The following SLC25A25 variants were observed in gnomAD, a reference collection of about 807,000 sequenced individuals.
SLC25A25 encodes the protein mitochondrial adenyl nucleotide antiporter SLC25A25.
A neutral mutation model predicts 57.7 loss-of-function variants in SLC25A25; 32 were observed. The ratio of observed to expected loss-of-function variants is 0.55; its 90% CI spans 0.42 to 0.74. SLC25A25 has a LOEUF of 0.74. SLC25A25 is among the 30% of genes least tolerant of loss of function. The probability of loss-of-function intolerance (pLI) is 0.00; values close to 1 mark genes in which losing one functional copy is unlikely to be tolerated. For missense variants in SLC25A25, 556 were observed against 701.3 expected, an observed-to-expected ratio of 0.79 and a Z score of 2.34; for synonymous variants, 306 against 291.2, an observed-to-expected ratio of 1.05 and a Z score of -0.52.
intron 1 of SLC25A25, among the ~76,000 whole-genome samples, chr9:128,072,460 G>C (rs1387209473): frequency 6.6e-6 from 1 of 152,196 alleles, no homozygotes; most frequent in Admixed American, 6.5e-5. Flanking sequence ...TGCTTATCAG[G>C]GGGTGATGGG....
Position 128,102,039 on chromosome 9 carries a change from T to C in SLC25A25, c.477-41T>C, listed in dbSNP as rs1179511169. On this transcript the variant is annotated intron_variant, in intron 3 of 10. Coordinates refer to ENST00000373069, the MANE Select transcript of SLC25A25 (RefSeq NM_001330988.2). This position sits in a 1 kb window ranked among gnomAD's most constrained non-coding sequence, Gnocchi z 4.1. ...CATGGCTCCGAGCACTTATGCGTGTTGTTTCTGCTCTCTCCTCCGCATCCT... is the reference window on the plus strand; with the variant it reads ...CATGGCTCCGAGCACTTATGCGTGTCGTTTCTGCTCTCTCCTCCGCATCCT... 9.0e-6 allele frequency: 14 copies of C among 1,550,318 alleles called. No individual in the cohort carries two copies. The highest frequency in any genetic ancestry group is 1.2e-5 in the Non-Finnish European group (14 of 1,146,848).
At chr9:128,105,951 C>T in intron 7 of SLC25A25, 70 bp downstream of exon 7, 10 of 1,578,948 alleles carry the variant, frequency 6.3e-6, no homozygotes, top group Non-Finnish European at 8.6e-6. Context: ...CTGGCTTTCC[C>T]TGGGCTGAGC....
chr9:128,105,617 GAAGA>G, intron 6 of SLC25A25, 108 bp from the exon 7 acceptor site: 1 of 1,526,160 alleles, frequency 6.6e-7, no homozygotes, highest in South Asian at 1.1e-5. Context: ...AAAATGCACG[GAAGA>G]AAGGGCCTTC....
intron 1 of SLC25A25, among the ~76,000 whole-genome samples, chr9:128,082,412 A>C (rs972957896): frequency 3.9e-5 from 6 of 152,142 alleles, no homozygotes; most frequent in African/African-American, 1.4e-4. Flanking sequence ...TTACAGCCTG[A>C]AACTCCAGCC....
rs777601765 is a variant in SLC25A25 at position 128,101,260 on chromosome 9, C to T, written c.388+38C>T. ...TTCAGAGCTGTGGCCGGTCCAGCCT[C>T]GGGCCTCCCCGTGCGCCTGGCTCCT... On this transcript the variant is annotated intron_variant, in intron 2 of 10. Coordinates refer to ENST00000373069, the MANE Select transcript of SLC25A25 (RefSeq NM_001330988.2). This position sits in a 1 kb window ranked among gnomAD's most constrained non-coding sequence, Gnocchi z 4.9. 51 of 1,614,128 alleles carry T rather than the reference C, an allele frequency of 3.2e-5. No homozygotes were observed. The highest frequency in any genetic ancestry group is 4.2e-5 in the Non-Finnish European group (49 of 1,180,048).
At chr9:128,092,077 G>A (rs373078692) in intron 1 of SLC25A25, 4 of 1,613,878 alleles carry the variant, frequency 2.5e-6, no homozygotes, top group Non-Finnish European at 3.4e-6. Flanking sequence ...GACCTGCAGA[G>A]CAGTTTCCTA....
At chr9:128,072,619 T>A (rs1832930844) in intron 1 of SLC25A25, among the ~76,000 whole-genome samples, 1 of 152,094 alleles carries the variant, frequency 6.6e-6, no homozygotes, top group Admixed American at 6.6e-5. Context: ...AAAATGGAAG[T>A]GGGCAGAGAA....
At position 128,103,971 on chromosome 9, in the gene SLC25A25, A is replaced by T; in HGVS notation, c.783+132A>T. On this transcript the variant is annotated intron_variant, in intron 6 of 10. Coordinates refer to ENST00000373069, the MANE Select transcript of SLC25A25 (RefSeq NM_001330988.2). The surrounding 1 kb of genome is among the most constrained non-coding windows in gnomAD (Gnocchi z 6.7). ...CTTTTCTAACCCAATAAATTAGACT[A>T]GAATTATTGCTCAGACAGGGGGTAC... is the stretch of plus-strand genomic sequence containing the variant. 1 of 923,694 alleles carries T rather than the reference A, an allele frequency of 1.1e-6. No homozygotes were observed. The highest frequency in any genetic ancestry group is 2.8e-5 in the East Asian group (1 of 35,706). The allele number at this position is 923,694 out of a possible 1,614,324, so 57.2% of individuals were successfully genotyped here. A position where few individuals can be genotyped will look rare whatever the true frequency, so the allele number is the denominator to read the frequency against.
At chr9:128,083,281 G>A (rs1259196953) in intron 1 of SLC25A25, among the ~76,000 whole-genome samples, 1 of 151,068 alleles carries the variant, frequency 6.6e-6, no homozygotes, top group Non-Finnish European at 1.5e-5. Context: ...TTTGGTTTGG[G>A]TTCTGGTTTT....
At chr9:128,071,856 C>T (rs1006379829) in intron 1 of SLC25A25, among the ~76,000 whole-genome samples, 1 of 151,738 alleles carries the variant, frequency 6.6e-6, no homozygotes, top group Non-Finnish European at 1.5e-5. Flanking sequence ...GGATTACAGG[C>T]GCCCGCCACC....
chr9:128,106,599 T>C lies in SLC25A25; in HGVS notation c.1212+79T>C, dbSNP rs374733199. ...GCTGTCTCCCTCCTTGACGGACGCG[T>C]GGTTAGTGCAGGAAACTGCATCAAA... On this transcript the variant is annotated intron_variant, in intron 9 of 10. Coordinates refer to ENST00000373069, the MANE Select transcript of SLC25A25 (RefSeq NM_001330988.2). 8.1e-6 allele frequency: 12 copies of C among 1,482,142 alleles called. 2 individuals are homozygous for C. The highest frequency in any genetic ancestry group is 2.5e-4 in the Middle Eastern group (1 of 4,042). 91.8% of individuals were successfully genotyped at this position (1,482,142 alleles called of 1,614,324 possible).
intron 6 of SLC25A25, 114 bp from the exon 7 acceptor site, chr9:128,105,615 C>T (rs189339711): frequency 3.5e-5 from 52 of 1,500,166 alleles, no homozygotes; most frequent in Middle Eastern, 2.4e-4. Flanking sequence ...TCAAAATGCA[C>T]GGAAGAAAGG....
intron 1 of SLC25A25, among the ~76,000 whole-genome samples, chr9:128,092,579 G>C (rs1025572079): frequency 1.3e-5 from 2 of 152,084 alleles, no homozygotes; most frequent in African/African-American, 4.8e-5. Context: ...AAGAGTGAAG[G>C]CATGAGACTG....
chr9:128,089,434 A>G (rs1384749968), intron 1 of SLC25A25, among the ~76,000 whole-genome samples: 1 of 152,206 alleles, frequency 6.6e-6, no homozygotes, highest in Non-Finnish European at 1.5e-5. Flanking sequence ...TATCTTAGCC[A>G]AGATTACACA....
At chr9:128,077,600 C>T (rs984839383) in intron 1 of SLC25A25, among the ~76,000 whole-genome samples, 2 of 151,350 alleles carry the variant, frequency 1.3e-5, no homozygotes, top group African/African-American at 4.9e-5. Flanking sequence ...TCTACAGAGA[C>T]AGAAAATTGA....
rs746948281 is a variant in SLC25A25 at position 128,068,566 on chromosome 9, G to C, written c.247G>C (p.Glu83Gln). ...GCGGCGCCTGGGACTGCACCGCACC[G>C]AGGGCGAGCTCCAGGTAGGCTGCGC... ...GLRRLGLHRT[E>Q]GELQKIVQAG... The change falls in exon 1 of 11, where the codon GAG (glutamate) becomes CAG (glutamine). Residue 83 changes from glutamate to glutamine, a missense_variant. Physicochemically the swap from Glu to Gln is conservative, Grantham distance 29 (BLOSUM62 2). Around this residue, in one of 3 missense-constraint regions of SLC25A25, gnomAD observed 248 missense variants for 273.5 expected, o/e 0.91. Transcript: ENST00000373069. 7.0e-7 allele frequency: 1 copy of C among 1,421,510 alleles called. No homozygotes were observed. The highest frequency in any genetic ancestry group is 9.2e-7 in the Non-Finnish European group (1 of 1,091,006). The allele number at this position is 1,421,510 out of a possible 1,614,324, so 88.1% of individuals were successfully genotyped here. A position where few individuals can be genotyped will look rare whatever the true frequency, so the allele number is the denominator to read the frequency against.
chr9:128,102,975 C>T lies in SLC25A25; in HGVS notation c.624+494C>T, dbSNP rs1334666797. On this transcript the variant is annotated intron_variant, in intron 5 of 10. Transcript: ENST00000373069. The surrounding 1 kb of genome is among the most constrained non-coding windows in gnomAD (Gnocchi z 4.1). ...TGTGAGTCTGTGCTGGTCTCTGCCC[C>T]GAGCCCTTCATGCTTGGCGTGTCCC... is the stretch of plus-strand genomic sequence containing the variant. Among the ~76,000 whole-genome samples the T allele has an allele frequency of 2.0e-5, 3 of 152,180 alleles. No homozygotes were observed. Among genetic ancestry groups the T allele is most frequent in the African/African-American group, 2.4e-5 (1 of 41,448 alleles).
At position 128,102,200 on chromosome 9, in the gene SLC25A25, T is replaced by C. The variant is rs1041035502; in HGVS notation, c.512+85T>C. On this transcript the variant is annotated intron_variant, in intron 4 of 10. Transcript: ENST00000373069. The surrounding 1 kb of genome is among the most constrained non-coding windows in gnomAD (Gnocchi z 4.1). ...ATTCTTGTGGGCCATTATATTGCCA[T>C]TGTTGTGCTAAGTGGGGTGTGGAGC... 7 of 1,515,618 alleles carry C rather than the reference T, an allele frequency of 4.6e-6. No individual in the cohort carries two copies. The highest frequency in any genetic ancestry group is 6.3e-6 in the Non-Finnish European group (7 of 1,114,908). 93.9% of individuals were successfully genotyped at this position (1,515,618 alleles called of 1,614,324 possible). A position where few individuals can be genotyped will look rare whatever the true frequency, so the allele number is the denominator to read the frequency against.
rs1010985026 is a variant in SLC25A25, at chr9:128,108,101, G to A, written c.*657G>A. 1.5e-5 allele frequency: 6 copies of A among 399,512 alleles called. No homozygotes were observed. Among genetic ancestry groups the A allele is most frequent in the Admixed American group, 8.8e-5 (2 of 22,728 alleles). The allele number at this position is 399,512 out of a possible 1,614,324, so 24.7% of individuals were successfully genotyped here. A position where few individuals can be genotyped will look rare whatever the true frequency, so the allele number is the denominator to read the frequency against. ...GCATGCTTGGGAGTGCAGGGGGCTCGGGCTGCCTGGCCTGGCTGCACAGAA... is the reference window on the plus strand; with the variant it reads ...GCATGCTTGGGAGTGCAGGGGGCTCAGGCTGCCTGGCCTGGCTGCACAGAA... On this transcript the variant is annotated 3_prime_UTR_variant, in exon 11 of 11. Transcript: ENST00000373069.
Sources: gnomAD v4.1 joint callset for allele counts (sites outside exome capture counted in the v4.1 genomes callset) on GRCh38, gnomAD v4.1.1 for gene constraint, gnomAD v4.1.1 regional missense constraint, Gnocchi (gnomAD v3.1) non-coding constraint, MANE v1.5 for transcripts, NCBI Gene and HGNC (gene_info 2026-07-23, HGNC 2026-07-21) for gene names.